Variants in RANBP2 observed in about 807,000 individuals in gnomAD.
RANBP2 encodes E3 SUMO-protein ligase RanBP2.
A neutral mutation model predicts 303.6 loss-of-function variants in RANBP2; 57 were observed. The ratio of observed to expected loss-of-function variants is 0.19; its 90% CI spans 0.15 to 0.23. The LOEUF (loss-of-function observed/expected upper bound fraction) is 0.23. Ranked by LOEUF, RANBP2 falls within the 10% of genes least tolerant of loss-of-function variation. The pLI, the probability that RANBP2 is intolerant of heterozygous loss-of-function variation, is 1.00. For missense variants in RANBP2, 3,138 were observed against 3,780.8 expected (o/e 0.83, Z 4.46); for synonymous variants, 1,167 against 1,301.5 (o/e 0.90, Z 2.23).
the RANBP2 span, among the ~76,000 whole-genome samples, chr2:109,698,162 C>G: frequency 6.6e-6 from 1 of 151,988 alleles, no homozygotes; most frequent in Non-Finnish European, 1.5e-5. Context: ...CCAGCCTGTG[C>G]TTCACTTTAG....
chr2:109,201,349 A>G, the RANBP2 span, among the ~76,000 whole-genome samples: 52 of 152,376 alleles, frequency 3.4e-4, no homozygotes, highest in South Asian at 1.7e-3. Flanking sequence ...ACCCACAGGT[A>G]CATGGCCTGG....
the RANBP2 span, among the ~76,000 whole-genome samples, chr2:109,441,974 A>G: frequency 6.6e-6 from 1 of 151,122 alleles, no homozygotes. Flanking sequence ...CAAAATAAAG[A>G]ATTATTCAGA....
chr2:109,055,366 C>CTTTTTCTTTTTCTT, the RANBP2 span, among the ~76,000 whole-genome samples: 1,440 of 133,410 alleles, frequency 0.011, 28 homozygotes, highest in African/African-American at 0.038. Flanking sequence ...TTTTTCTTTT[C>CTTTTTCTTTTTCTT]TTTTTTTTTT....
the RANBP2 span, among the ~76,000 whole-genome samples, chr2:109,382,215 A>T: frequency 6.6e-6 from 1 of 152,154 alleles, no homozygotes; most frequent in African/African-American, 2.4e-5. Flanking sequence ...TTAGGAAGTT[A>T]CCATGCCAGC....
the RANBP2 span, among the ~76,000 whole-genome samples, chr2:109,464,411 A>G: frequency 5.9e-5 from 9 of 152,232 alleles, no homozygotes; most frequent in Non-Finnish European, 8.8e-5. Flanking sequence ...AAATACACAT[A>G]CAAACATGAC....
At chr2:109,622,926 G>A in the RANBP2 span, among the ~76,000 whole-genome samples, 3 of 152,134 alleles carry the variant, frequency 2.0e-5, no homozygotes, top group East Asian at 1.9e-4. Context: ...TCAGTAGTTC[G>A]AGACCAGCTG....
At chr2:109,101,168 G>T in the RANBP2 span, among the ~76,000 whole-genome samples, 1 of 152,124 alleles carries the variant, frequency 6.6e-6, no homozygotes. Flanking sequence ...CATACTAGGC[G>T]CTCTCTTGTA....
the RANBP2 span, among the ~76,000 whole-genome samples, chr2:109,645,488 G>C: frequency 9.2e-5 from 14 of 152,166 alleles, no homozygotes; most frequent in Non-Finnish European, 1.5e-4. Flanking sequence ...AAGTAAATGC[G>C]GGTCCTCCTC....
the RANBP2 span, chr2:109,613,972 G>C: frequency 2.5e-6 from 3 of 1,202,794 alleles, no homozygotes; most frequent in East Asian, 6.8e-5. Flanking sequence ...AAGGGACAGG[G>C]GCGGGGCCGA....
At chr2:109,377,094 G>C in the RANBP2 span, among the ~76,000 whole-genome samples, 4 of 152,198 alleles carry the variant, frequency 2.6e-5, no homozygotes, top group South Asian at 4.1e-4. Context: ...CCTTTCCCTG[G>C]GGGGAGGTCT....
At chr2:109,281,078 G>C in the RANBP2 span, among the ~76,000 whole-genome samples, 2 of 152,206 alleles carry the variant, frequency 1.3e-5, no homozygotes, top group Non-Finnish European at 2.9e-5. Flanking sequence ...GCCAGAGAGA[G>C]AGGACTGGTT....
At chr2:109,394,506 G>A in the RANBP2 span, among the ~76,000 whole-genome samples, 45,409 of 152,188 alleles carry the variant, frequency 0.3, 8,442 homozygotes, top group Non-Finnish European at 0.41. Context: ...ACAGGTACCA[G>A]GAGCAGTCCT....
At chr2:108,825,776 TG>T in the RANBP2 span, among the ~76,000 whole-genome samples, 1 of 152,188 alleles carries the variant, frequency 6.6e-6, no homozygotes, top group South Asian at 2.1e-4. Flanking sequence ...CACAAATTTT[TG>T]TATGCACATA....
the RANBP2 span, among the ~76,000 whole-genome samples, chr2:109,168,573 G>A: frequency 3.3e-5 from 5 of 152,130 alleles, no homozygotes; most frequent in East Asian, 5.8e-4. Flanking sequence ...TCTAATCTTC[G>A]GACTGTAATG....
At chr2:109,510,724 G>A in the RANBP2 span, among the ~76,000 whole-genome samples, 2 of 152,226 alleles carry the variant, frequency 1.3e-5, no homozygotes, top group African/African-American at 2.4e-5. Context: ...CTGGGCTGGG[G>A]AAGGGCCCCG....
At chr2:108,960,877 C>G in the RANBP2 span, among the ~76,000 whole-genome samples, 1 of 152,182 alleles carries the variant, frequency 6.6e-6, no homozygotes, top group Non-Finnish European at 1.5e-5. Context: ...ATATAGTATT[C>G]CACCATGTGG....
At chr2:108,776,542 T>G (rs1359552963) in intron 24 of RANBP2, among the ~76,000 whole-genome samples, 1 of 152,178 alleles carries the variant, frequency 6.6e-6, no homozygotes, top group East Asian at 1.9e-4. Context: ...AATATTACAT[T>G]TATAGGCATT....
chr2:108,851,875 A>G, the RANBP2 span, among the ~76,000 whole-genome samples: 1 of 152,338 alleles, frequency 6.6e-6, no homozygotes, highest in East Asian at 1.9e-4. Flanking sequence ...TTTATACCTT[A>G]TCTCTGAATA....
At chr2:109,203,569 G>A in the RANBP2 span, among the ~76,000 whole-genome samples, 1 of 152,142 alleles carries the variant, frequency 6.6e-6, no homozygotes, top group East Asian at 1.9e-4. Flanking sequence ...TGCTCCATGT[G>A]GTTCGTCCAG....
Sources: gnomAD v4.1 joint callset for allele counts (sites outside exome capture counted in the v4.1 genomes callset) on GRCh38, gnomAD v4.1.1 for gene constraint, MANE v1.5 for transcripts, NCBI Gene and HGNC (gene_info 2026-07-23, HGNC 2026-07-21) for gene names.